Variants in PIBF1 observed in about 807,000 individuals in gnomAD.
The protein encoded by PIBF1 is progesterone-induced-blocking factor 1.
A neutral mutation model predicts 112.5 loss-of-function variants in PIBF1; 90 were observed. That is an observed-to-expected ratio of 0.80 (90% CI 0.67 to 0.95). PIBF1 has a LOEUF of 0.95. Among genes scored for constraint, PIBF1 ranks in the 40% least tolerant of loss-of-function variants. The probability of loss-of-function intolerance (pLI) is 0.00; values close to 1 mark genes in which losing one functional copy is unlikely to be tolerated. For missense variants in PIBF1, 915 were observed against 852.3 expected, an observed-to-expected ratio of 1.07 and a Z score of -0.92; for synonymous variants, 301 against 288.6, an observed-to-expected ratio of 1.04 and a Z score of -0.44.
rs9530132 is a variant in PIBF1, at chr13:73,002,108, G to T, written c.2223+3113G>T. Among the ~76,000 whole-genome samples, 877 of 152,274 alleles carry T rather than the reference G, an allele frequency of 5.8e-3. 4 individuals carry two copies. The highest frequency in any genetic ancestry group is 9.7e-3 in the Non-Finnish European group (657 of 68,024). On this transcript the variant is annotated intron_variant, in intron 17 of 17. Transcript: ENST00000326291. ...ACAAAAACTAATTGAACCACAGAAT[G>T]TAAGTGCCTTAAGGACAGAAACTGT...
At chr13:72,992,680 AC>A (rs1259634318) in intron 16 of PIBF1, among the ~76,000 whole-genome samples, 1 of 152,170 alleles carries the variant, frequency 6.6e-6, no homozygotes, top group African/African-American at 2.4e-5. Flanking sequence ...GCATGGTGGT[AC>A]ATGCCTGGAG....
chr13:73,001,582 C>CTTTTTTTTTTTTTTTTTTTTT lies in PIBF1; in HGVS notation c.2223+2605_2223+2606insTTTTTTTTTTTTTTTTTTTTT. 1.8e-3 allele frequency among the ~76,000 whole-genome samples: 52 copies of CTTTTTTTTTTTTTTTTTTTTT among 29,170 alleles called. 21 individuals are homozygous for CTTTTTTTTTTTTTTTTTTTTT. Among genetic ancestry groups the CTTTTTTTTTTTTTTTTTTTTT allele is most frequent in the East Asian group, 3.1e-3 (2 of 642 alleles). The allele number at this position is 29,170 out of a possible 152,430, so 19.1% of individuals were successfully genotyped here. Reference sequence around the variant, plus strand: ...CAGAGGAGGAGAAATAAGAGCTTGACTTTTTTTTTTTTTTTTTTGACACTT... The same window carrying CTTTTTTTTTTTTTTTTTTTTT: ...CAGAGGAGGAGAAATAAGAGCTTGACTTTTTTTTTTTTTTTTTTTTTTTTTTTTTTTTTTTTTTTGACACTT... On this transcript the variant is annotated intron_variant, in intron 17 of 17. Coordinates refer to ENST00000326291, the MANE Select transcript of PIBF1 (RefSeq NM_006346.4).
chr13:72,924,731 A>T lies in PIBF1; in HGVS notation c.1731-6434A>T, dbSNP rs563009197. ...GACCCTGCCAGAAAAAAAAAAAAGA[A>T]GATTTATTAAGTACCTACTCTGATA... On this transcript the variant is annotated intron_variant, in intron 13 of 17. Coordinates refer to ENST00000326291, the MANE Select transcript of PIBF1 (RefSeq NM_006346.4). Among the ~76,000 whole-genome samples, 115 of 152,256 alleles carry T rather than the reference A, an allele frequency of 7.6e-4. 2 individuals carry two copies. The South Asian group carries it at 0.023, about 31-fold the overall frequency.
intron 10 of PIBF1, among the ~76,000 whole-genome samples, chr13:72,878,093 G>T (rs915916451): frequency 6.6e-6 from 1 of 151,156 alleles, no homozygotes; most frequent in African/African-American, 2.4e-5. Context: ...TTTTCTTAGT[G>T]TAGCTAAAGT....
At chr13:72,945,621 G>A (rs144127685) in intron 14 of PIBF1, among the ~76,000 whole-genome samples, 22 of 152,152 alleles carry the variant, frequency 1.4e-4, no homozygotes, top group African/African-American at 4.3e-4. Context: ...CATTTTTCTG[G>A]TGATTAGTGA....
intron 16 of PIBF1, among the ~76,000 whole-genome samples, chr13:72,995,695 T>G (rs2043630789): frequency 6.6e-6 from 1 of 152,158 alleles, no homozygotes; most frequent in South Asian, 2.1e-4. Flanking sequence ...CTCACGCCTG[T>G]AATCCCAGCA....
chr13:73,013,591 G>A (rs937895402), intron 17 of PIBF1, among the ~76,000 whole-genome samples: 1 of 151,652 alleles, frequency 6.6e-6, no homozygotes, highest in Admixed American at 6.6e-5. Context: ...ATAAAAATTA[G>A]CTGAGAGTGA....
At chr13:72,850,728 G>T (rs949036097) in intron 9 of PIBF1, among the ~76,000 whole-genome samples, 16 of 151,722 alleles carry the variant, frequency 1.1e-4, no homozygotes, top group African/African-American at 3.6e-4. Context: ...ACATCATTTC[G>T]AAATGAAAAA....
Position 72,827,116 on chromosome 13 carries a change from G to C in PIBF1, c.913G>C (p.Glu305Gln), listed in dbSNP as rs1334843350. 2 of 1,517,438 alleles carry C rather than the reference G, an allele frequency of 1.3e-6. No homozygotes were observed. The highest frequency in any genetic ancestry group is 1.8e-6 in the Non-Finnish European group (2 of 1,106,028). 94.0% of individuals were successfully genotyped at this position (1,517,438 alleles called of 1,614,324 possible). A position where few individuals can be genotyped will look rare whatever the true frequency, so the allele number is the denominator to read the frequency against. ...QTKERSELSK[E>Q]VVTLEQTVTL... Reference sequence around the variant, plus strand: ...AAAAGAACGAAGTGAATTATCAAAAGAGGTAAGCTTATAATTAGAGTCACT... The same window carrying C: ...AAAAGAACGAAGTGAATTATCAAAACAGGTAAGCTTATAATTAGAGTCACT... The change falls in exon 7 of 18, where the codon GAG (glutamate) becomes CAG (glutamine). Residue 305 changes from glutamate to glutamine, a missense_variant and splice_region_variant. Physicochemically the swap from Glu to Gln is conservative, Grantham distance 29. Coordinates refer to ENST00000326291, the MANE Select transcript of PIBF1 (RefSeq NM_006346.4).
chr13:72,844,752 C>CACACACACACGGATGAAGTCTTACTGTTT (rs1566348269), intron 9 of PIBF1, among the ~76,000 whole-genome samples: 32 of 94,038 alleles, frequency 3.4e-4, no homozygotes, highest in East Asian at 8.1e-4. Flanking sequence ...CACACACACA[C>CACACACACACGGATGAAGTCTTACTGTTT]ACACACACAC....
Position 72,918,690 on chromosome 13 carries a change from A to T in PIBF1, c.1730+1524A>T, listed in dbSNP as rs115242025. Among the ~76,000 whole-genome samples, 1,058 of 144,720 alleles carry T rather than the reference A, an allele frequency of 7.3e-3. 15 individuals are homozygous for T. Among genetic ancestry groups the T allele is most frequent in the African/African-American group, 0.026 (1,020 of 39,464 alleles). 94.9% of individuals were successfully genotyped at this position (144,720 alleles called of 152,430 possible). The stretch of plus-strand genomic sequence containing the variant: ...AACACAGGAGAGATCCACCATGCCC[A>T]GTCTAGCAACTACATCTTTTTTTTT... On this transcript the variant is annotated intron_variant, in intron 13 of 17. Transcript: ENST00000326291.
At chr13:72,922,551 G>A (rs1429687078) in intron 13 of PIBF1, among the ~76,000 whole-genome samples, 2 of 152,174 alleles carry the variant, frequency 1.3e-5, no homozygotes, top group Admixed American at 6.5e-5. Flanking sequence ...TAATCTGAAT[G>A]TGGAGACTGT....
rs2042114463 is a variant in PIBF1, at chr13:72,945,039, C to A, written c.1833+13772C>A. On this transcript the variant is annotated intron_variant, in intron 14 of 17. Transcript: ENST00000326291. The stretch of plus-strand genomic sequence containing the variant: ...TACCCAATAGTTTTTCAACCCTTGG[C>A]CCCCTCTCCCTCTCCCCATTGCTAG... 2.6e-5 allele frequency among the ~76,000 whole-genome samples: 4 copies of A among 152,082 alleles called. No homozygotes were observed. The South Asian group carries it at 8.3e-4, about 32-fold the overall frequency.
At chr13:72,945,401 C>T (rs916630375) in intron 14 of PIBF1, among the ~76,000 whole-genome samples, 1 of 152,114 alleles carries the variant, frequency 6.6e-6, no homozygotes, top group African/African-American at 2.4e-5. Context: ...TGGGTTTATA[C>T]CCAGTAATGA....
At chr13:72,995,935 C>T (rs1340134350) in intron 16 of PIBF1, among the ~76,000 whole-genome samples, 11 of 143,882 alleles carry the variant, frequency 7.6e-5, no homozygotes, top group Admixed American at 2.2e-4. Flanking sequence ...GATGACAGAG[C>T]GAGACTCCAT....
At chr13:72,909,142 T>G (rs1032825034) in intron 12 of PIBF1, among the ~76,000 whole-genome samples, 35 of 152,232 alleles carry the variant, frequency 2.3e-4, no homozygotes, top group African/African-American at 8.0e-4. Flanking sequence ...TTTCAAATAT[T>G]TGTTCATCTT....
At chr13:72,925,470 T>C (rs529667784) in intron 13 of PIBF1, among the ~76,000 whole-genome samples, 10 of 152,084 alleles carry the variant, frequency 6.6e-5, no homozygotes, top group Non-Finnish European at 1.3e-4. Context: ...TTAACTGATA[T>C]GTGATAAGAA....
intron 10 of PIBF1, chr13:72,881,034 T>C (rs2039606097): frequency 6.6e-6 from 1 of 151,634 alleles, no homozygotes; most frequent in Admixed American, 6.6e-5. Context: ...GGAAAAGAAA[T>C]AAAGGGCAGT....
chr13:73,000,108 G>A (rs1280968251), intron 17 of PIBF1, among the ~76,000 whole-genome samples: 1 of 152,214 alleles, frequency 6.6e-6, no homozygotes, highest in Non-Finnish European at 1.5e-5. Flanking sequence ...TGTAGACTAA[G>A]CTGACAGGCG....
Sources: gnomAD v4.1 joint callset for allele counts (sites outside exome capture counted in the v4.1 genomes callset) on GRCh38, gnomAD v4.1.1 for gene constraint, MANE v1.5 for transcripts, NCBI Gene and HGNC (gene_info 2026-07-23, HGNC 2026-07-21) for gene names.